MEF2A: variants seen among roughly 807,000 people sequenced by gnomAD.
The protein encoded by MEF2A is myocyte enhancer factor 2A, also known as myocyte-specific enhancer factor 2A.
Under a neutral mutation model 55.8 loss-of-function variants are expected in MEF2A, and 28 were observed. That is an observed-to-expected ratio of 0.50 (90% CI 0.37 to 0.69). The LOEUF is 0.69. MEF2A is among the 30% of genes least tolerant of loss of function. MEF2A has a pLI of 0.00. For missense variants in MEF2A, 528 were observed against 626.2 expected (o/e 0.84, Z 1.67); for synonymous variants, 239 against 227.1 (o/e 1.05, Z -0.47).
intron 2 of MEF2A, among the ~76,000 whole-genome samples, chr15:99,610,186 A>T (rs1976631966): frequency 6.6e-6 from 1 of 152,148 alleles, no homozygotes; most frequent in Non-Finnish European, 1.5e-5. Flanking sequence ...TTATAGTATT[A>T]TCAAAATAAT....
intron 8 of MEF2A, among the ~76,000 whole-genome samples, chr15:99,697,199 C>G (rs1010707718): frequency 5.9e-5 from 9 of 151,654 alleles, no homozygotes; most frequent in African/African-American, 2.2e-4. Flanking sequence ...TTTTTTCTCA[C>G]CAGTCATATT....
intron 10 of MEF2A, 68 bp from the exon 11 acceptor site, chr15:99,710,566 G>A (rs2058525926): frequency 2.6e-6 from 4 of 1,564,482 alleles, no homozygotes; most frequent in Non-Finnish European, 3.5e-6. Context: ...TTTTGCAGTA[G>A]CTACGTAAAA....
At chr15:99,696,744 T>TA (rs142938457) in intron 8 of MEF2A, among the ~76,000 whole-genome samples, 7 of 151,948 alleles carry the variant, frequency 4.6e-5, no homozygotes, top group Non-Finnish European at 7.4e-5. Flanking sequence ...TGTAAAGTGA[T>TA]ACCAATTCTA....
intron 7 of MEF2A, chr15:99,681,921 AC>A (rs1240334332): frequency 2.6e-5 from 4 of 152,234 alleles, no homozygotes; most frequent in Non-Finnish European, 5.9e-5. Context: ...AGTTCTTTGT[AC>A]AAATGACATA....
At chr15:99,651,668 A>G (rs550418158) in intron 4 of MEF2A, among the ~76,000 whole-genome samples, 14 of 152,166 alleles carry the variant, frequency 9.2e-5, no homozygotes, top group Non-Finnish European at 1.3e-4. Flanking sequence ...ATCGCCTCAC[A>G]CAGCAGTCAC....
chr15:99,598,561 T>C (rs1971993470), intron 2 of MEF2A, 50 bp downstream of exon 2: 1 of 152,172 alleles, frequency 6.6e-6, no homozygotes, highest in African/African-American at 2.4e-5. Context: ...GGAAATGTAT[T>C]TTAAAAATCA....
At chr15:99,605,845 C>T (rs565480291) in intron 2 of MEF2A, among the ~76,000 whole-genome samples, 1 of 152,032 alleles carries the variant, frequency 6.6e-6, no homozygotes, top group Non-Finnish European at 1.5e-5. Context: ...TGACGCATGC[C>T]TGTAGTCGCA....
chr15:99,587,801 A>G (rs1967843035), intron 1 of MEF2A, among the ~76,000 whole-genome samples: 1 of 152,150 alleles, frequency 6.6e-6, no homozygotes, highest in Admixed American at 6.5e-5. Context: ...ATACCCTTGC[A>G]AACTCCACTT....
At position 99,713,537 on chromosome 15, in the gene MEF2A, TTCA is replaced by T. The variant is rs1211146957; in HGVS notation, c.*768_*770del. 1.3e-5 allele frequency: 2 copies of T among 152,270 alleles called. No individual in the cohort carries two copies. The highest frequency in any genetic ancestry group is 2.9e-5 in the Non-Finnish European group (2 of 68,066). 9.4% of individuals were successfully genotyped at this position (152,270 alleles called of 1,614,324 possible). A position where few individuals can be genotyped will look rare whatever the true frequency, so the allele number is the denominator to read the frequency against. ...AATATGTCAGAAGTTTCTTTTTACATTCATATCTTAAAAATTAAAGAAACTGAT... is the reference window on the plus strand; with the variant it reads ...AATATGTCAGAAGTTTCTTTTTACATTATCTTAAAAATTAAAGAAACTGAT... On this transcript the variant is annotated 3_prime_UTR_variant, in exon 12 of 12. Coordinates refer to ENST00000557942, the MANE Select transcript of MEF2A (RefSeq NM_001319206.4).
chr15:99,605,818 A>G (rs898266460), intron 2 of MEF2A, among the ~76,000 whole-genome samples: 1 of 152,142 alleles, frequency 6.6e-6, no homozygotes, highest in African/African-American at 2.4e-5. Context: ...AAAAAATACA[A>G]AATTAGCCAG....
At chr15:99,672,776 C>T (rs923231849) in intron 5 of MEF2A, among the ~76,000 whole-genome samples, 2 of 152,140 alleles carry the variant, frequency 1.3e-5, no homozygotes, top group African/African-American at 2.4e-5. Context: ...ATTAATGTTT[C>T]ATACATACCT....
intron 2 of MEF2A, among the ~76,000 whole-genome samples, chr15:99,625,122 A>T (rs891197576): frequency 6.6e-6 from 1 of 152,200 alleles, no homozygotes; most frequent in African/African-American, 2.4e-5. Flanking sequence ...TATTAAGTGC[A>T]TTTTTGACTT....
intron 1 of MEF2A, among the ~76,000 whole-genome samples, chr15:99,576,610 G>GT (rs1312264179): frequency 7.4e-5 from 11 of 149,500 alleles, no homozygotes; most frequent in African/African-American, 2.4e-4. Flanking sequence ...TTTAATAACT[G>GT]TTATTCTAGA....
chr15:99,698,361 GA>G lies in MEF2A; in HGVS notation c.859-4999del, dbSNP rs1393642849. Among the ~76,000 whole-genome samples the G allele has an allele frequency of 2.6e-5, 4 of 152,192 alleles. No homozygotes were observed. The East Asian group carries it at 7.7e-4, about 29-fold the overall frequency. ...ACATTTTTAAAAGGGCACAAGATCT[GA>G]ACACATACTTCAAAAAGAAGATACA... On this transcript the variant is annotated intron_variant, in intron 8 of 11. Coordinates refer to ENST00000557942, the MANE Select transcript of MEF2A (RefSeq NM_001319206.4).
intron 7 of MEF2A, among the ~76,000 whole-genome samples, chr15:99,676,692 C>T (rs968076998): frequency 2.6e-5 from 4 of 152,002 alleles, no homozygotes; most frequent in Admixed American, 2.6e-4. Context: ...GCCTCAGCCT[C>T]CCGAGTAGCT....
At chr15:99,703,267 C>G (rs573305716) in intron 8 of MEF2A, 95 bp from the exon 9 acceptor site, 2 of 1,147,986 alleles carry the variant, frequency 1.7e-6, no homozygotes, top group African/African-American at 3.1e-5. Flanking sequence ...CAGACAGCTG[C>G]TAGTGTCCAA....
Position 99,596,564 on chromosome 15 carries a change from G to A in MEF2A, c.-224-1866G>A, listed in dbSNP as rs149971713. ...AATCAGGGTCATAATAATTAATACT[G>A]CTGAATCAGATTCAAAAGATTGGTG... On this transcript the variant is annotated intron_variant, in intron 1 of 11. Transcript: ENST00000557942. Among the ~76,000 whole-genome samples the A allele has an allele frequency of 6.6e-3, 1,011 of 152,198 alleles. 10 individuals are homozygous for A. The highest frequency in any genetic ancestry group is 0.023 in the African/African-American group (963 of 41,518).
In MEF2A at chr15:99,716,142, T is replaced by G. The variant is rs1345780168; in HGVS notation, c.*3371T>G. On this transcript the variant is annotated 3_prime_UTR_variant, in exon 12 of 12. Transcript: ENST00000557942. ...TTCTCTGTAGAAACTTTCTTCACTT[T>G]GCTGTGCAAGAAGACACTGCTTTGC... 2 of 158,976 alleles carry G rather than the reference T, an allele frequency of 1.3e-5. No individual in the cohort carries two copies. Among genetic ancestry groups the G allele is most frequent in the African/African-American group, 4.8e-5 (2 of 41,552 alleles). 9.8% of individuals were successfully genotyped at this position (158,976 alleles called of 1,614,324 possible).
intron 3 of MEF2A, among the ~76,000 whole-genome samples, chr15:99,639,122 G>C (rs1050522443): frequency 6.6e-6 from 1 of 152,022 alleles, no homozygotes; most frequent in Non-Finnish European, 1.5e-5. Context: ...ATACTTCAAG[G>C]TTTGCTATAT....
Sources: gnomAD v4.1 joint callset for allele counts (sites outside exome capture counted in the v4.1 genomes callset) on GRCh38, gnomAD v4.1.1 for gene constraint, MANE v1.5 for transcripts, NCBI Gene and HGNC (gene_info 2026-07-23, HGNC 2026-07-21) for gene names.